The following SH3TC2 variants were observed in gnomAD, a reference collection of about 807,000 sequenced individuals.
SH3TC2 encodes SH3 domain and tetratricopeptide repeats 2.
Under a neutral mutation model 124.5 loss-of-function variants are expected in SH3TC2, and 87 were observed. The ratio of observed to expected loss-of-function variants is 0.70; its 90% CI spans 0.59 to 0.84. The LOEUF is 0.84. Ranked by LOEUF, SH3TC2 falls within the 40% of genes least tolerant of loss-of-function variation. The pLI is 0.00. For missense variants in SH3TC2, 1,536 were observed against 1,566.4 expected (o/e 0.98, Z 0.33); for synonymous variants, 634 against 628.5 (o/e 1.01, Z -0.13).
chr5:149,037,190 A>C (rs923392789), intron 8 of SH3TC2, among the ~76,000 whole-genome samples: 4 of 152,264 alleles, frequency 2.6e-5, no homozygotes, highest in Admixed American at 1.3e-4. Flanking sequence ...GCACTGACTC[A>C]CTTTCCTACC....
At position 148,995,373 on chromosome 5, in the gene SH3TC2, A is replaced by G. The variant is rs752035814; in HGVS notation, c.*9338T>C. Among the ~76,000 whole-genome samples the G allele has an allele frequency of 1.2e-4, 18 of 152,216 alleles. No homozygotes were observed. The highest frequency in any genetic ancestry group is 1.7e-4 in the African/African-American group (7 of 41,450). On this transcript the variant is annotated 3_prime_UTR_variant, in exon 17 of 17. Transcript: ENST00000515425. ...AGGATCATTTGGAGGATCAAATCCT[A>G]TACTGTGGGTAAATTACTTAGCACA... is the stretch of plus-strand genomic sequence containing the variant.
intron 2 of SH3TC2, 77 bp downstream of exon 2, chr5:149,052,065 C>A (rs1463815105): frequency 3.8e-6 from 4 of 1,057,738 alleles, no homozygotes; most frequent in African/African-American, 1.6e-5. Context: ...GGGAGGGGCT[C>A]TTTAGATGGG....
chr5:149,041,381 T>C, intron 6 of SH3TC2, 35 bp downstream of exon 6: 4 of 1,608,616 alleles, frequency 2.5e-6, no homozygotes, highest in Non-Finnish European at 3.4e-6. Flanking sequence ...CAGTCTGCTC[T>C]GGGACTTGCT....
In SH3TC2 at chr5:149,038,460, T is replaced by A. The variant is rs200215156; in HGVS notation, c.836A>T (p.Tyr279Phe). Residue 279 changes from tyrosine (Y) to phenylalanine (F), a missense_variant, in exon 8 of 17, where the codon TAT becomes TTT. Physicochemically the swap from Tyr to Phe is conservative, Grantham distance 22. Around this residue, in one of 3 missense-constraint regions of SH3TC2, gnomAD observed 1,102 missense variants for 1,098.6 expected, o/e 1.00. Coordinates refer to ENST00000515425, the MANE Select transcript of SH3TC2 (RefSeq NM_024577.4). ...GRGRCKALTG[Y>F]EPGEKDELNF... ...CAGTTCATCCTTTTCTCCTGGCTCA[T>A]AACCCGTCAAGGCCTTACAGCGTCC... 4 of 1,613,994 alleles carry A rather than the reference T, an allele frequency of 2.5e-6. No homozygotes were observed. The African/African-American group carries it at 5.3e-5, about 22-fold the overall frequency.
intron 1 of SH3TC2, among the ~76,000 whole-genome samples, chr5:149,054,098 A>G (rs1754602851): frequency 6.6e-6 from 1 of 152,210 alleles, no homozygotes; most frequent in Admixed American, 6.5e-5. Flanking sequence ...GATGTGATTT[A>G]CCCTGATGTG....
In SH3TC2 at chr5:148,982,167, T is replaced by A. The variant is rs1389757333; in HGVS notation, c.*22544A>T. Among the ~76,000 whole-genome samples, 1 of 151,926 alleles carries A rather than the reference T, an allele frequency of 6.6e-6. No individual in the cohort carries two copies. Among genetic ancestry groups the A allele is most frequent in the African/African-American group, 2.4e-5 (1 of 41,352 alleles). On this transcript the variant is annotated 3_prime_UTR_variant, in exon 17 of 17. Coordinates refer to ENST00000515425, the MANE Select transcript of SH3TC2 (RefSeq NM_024577.4). Reference sequence around the variant, plus strand: ...AAACAGGATTCCAGTATTTTTTTTTTATTTCTGTAGTTTAAATTTTAAAAC... The same window carrying A: ...AAACAGGATTCCAGTATTTTTTTTTAATTTCTGTAGTTTAAATTTTAAAAC...
chr5:149,025,789 TTTTGA>T (rs1295497727), intron 12 of SH3TC2: 1 of 152,228 alleles, frequency 6.6e-6, no homozygotes, highest in Non-Finnish European at 1.5e-5. Context: ...AACTGTTAAG[TTTTGA>T]TTTATTTTTA....
chr5:149,034,334 T>C (rs950588370), intron 8 of SH3TC2: 1 of 169,722 alleles, frequency 5.9e-6, no homozygotes, highest in Non-Finnish European at 1.3e-5. Context: ...GACAAAAAGA[T>C]AAAAAATATA....
rs112004961 is a variant in SH3TC2 at position 149,061,214 on chromosome 5, A to C, written c.52+1757T>G. ...GAATGATAGTGTTATTATGATTTTGACCTTTTTCAATATTTTGTTTGTTTG... is the reference window on the plus strand; with the variant it reads ...GAATGATAGTGTTATTATGATTTTGCCCTTTTTCAATATTTTGTTTGTTTG... On this transcript the variant is annotated intron_variant, in intron 1 of 16. Transcript: ENST00000515425. Among the ~76,000 whole-genome samples, 1,330 of 152,222 alleles carry C rather than the reference A, an allele frequency of 8.7e-3. 25 individuals are homozygous for C. The highest frequency in any genetic ancestry group is 0.03 in the African/African-American group (1,265 of 41,508).
chr5:149,055,515 G>A (rs940501544), intron 1 of SH3TC2, among the ~76,000 whole-genome samples: 1 of 151,546 alleles, frequency 6.6e-6, no homozygotes, highest in Admixed American at 6.6e-5. Context: ...GACAGATAAA[G>A]CCAAGTGTTT....
chr5:149,007,774 T>C (rs1157729519), intron 15 of SH3TC2: 1 of 152,706 alleles, frequency 6.5e-6, no homozygotes, highest in Non-Finnish European at 1.5e-5. Flanking sequence ...TTTGGAATAT[T>C]TGCAAGGTGG....
chr5:149,030,213 C>T (rs1423930177), intron 9 of SH3TC2, among the ~76,000 whole-genome samples: 1 of 152,188 alleles, frequency 6.6e-6, no homozygotes, highest in African/African-American at 2.4e-5. Context: ...GGTGTCCCCT[C>T]TCTAGGAGGA....
At chr5:149,009,085 A>G in intron 14 of SH3TC2, 84 bp from the exon 15 acceptor site, 3 of 1,576,808 alleles carry the variant, frequency 1.9e-6, no homozygotes, top group Non-Finnish European at 2.6e-6. Context: ...TTCTACAGGC[A>G]GGGGTTGGGG....
In SH3TC2 at chr5:148,991,080, C is replaced by T. The variant is rs151009208; in HGVS notation, c.*13631G>A. ...ACACTTTCCAGGGGACTTTCAAAACCCCAATCCCTCAGAAGCCCCAAAACG... is the reference window on the plus strand; with the variant it reads ...ACACTTTCCAGGGGACTTTCAAAACTCCAATCCCTCAGAAGCCCCAAAACG... On this transcript the variant is annotated 3_prime_UTR_variant, in exon 17 of 17. Transcript: ENST00000515425. Among the ~76,000 whole-genome samples the T allele has an allele frequency of 2.0e-5, 3 of 152,242 alleles. No homozygotes were observed. Among genetic ancestry groups the T allele is most frequent in the African/African-American group, 4.8e-5 (2 of 41,514 alleles).
Position 148,993,861 on chromosome 5 carries a change from C to T in SH3TC2, c.*10850G>A, listed in dbSNP as rs1338436288. 6.6e-6 allele frequency among the ~76,000 whole-genome samples: 1 copy of T among 152,224 alleles called. No homozygotes were observed. Among genetic ancestry groups the T allele is most frequent in the Non-Finnish European group, 1.5e-5 (1 of 68,040 alleles). On this transcript the variant is annotated 3_prime_UTR_variant, in exon 17 of 17. Coordinates refer to ENST00000515425, the MANE Select transcript of SH3TC2 (RefSeq NM_024577.4). ...ATTAACTTCTTCGCCCAAACAAGTA[C>T]TCTTCTGAAATGTCTGTCAACACAA...
At chr5:149,057,236 TTTC>T (rs1754663811) in intron 1 of SH3TC2, among the ~76,000 whole-genome samples, 1 of 151,070 alleles carries the variant, frequency 6.6e-6, no homozygotes, top group Non-Finnish European at 1.5e-5. Flanking sequence ...TTTATCTTCT[TTTC>T]TTCTTCAGTA....
intron 9 of SH3TC2, among the ~76,000 whole-genome samples, chr5:149,029,490 C>T (rs1754144866): frequency 6.6e-6 from 1 of 152,026 alleles, no homozygotes; most frequent in Non-Finnish European, 1.5e-5. Context: ...AAGCAGGTCA[C>T]AAATTGCTGG....
chr5:149,058,109 C>T (rs1754682753), intron 1 of SH3TC2, among the ~76,000 whole-genome samples: 1 of 152,136 alleles, frequency 6.6e-6, no homozygotes, highest in African/African-American at 2.4e-5. Context: ...CATCTGAACA[C>T]CTTGATTTAG....
At chr5:149,054,901 G>A (rs1754616093) in intron 1 of SH3TC2, among the ~76,000 whole-genome samples, 1 of 152,180 alleles carries the variant, frequency 6.6e-6, no homozygotes, top group African/African-American at 2.4e-5. Context: ...CCTTGAAGAA[G>A]GGAAGTCAAG....
Sources: allele counts gnomAD v4.1 joint callset (sites outside exome capture counted in the v4.1 genomes callset), GRCh38; gene constraint gnomAD v4.1.1; regional missense constraint gnomAD v4.1.1; transcripts MANE v1.5; gene names NCBI Gene and HGNC (gene_info 2026-07-23, HGNC 2026-07-21).